Variants in TJP2 observed in about 807,000 individuals in gnomAD.
TJP2 encodes tight junction protein 2, also known as Friedreich ataxia region gene X104 (tight junction protein ZO-2).
In TJP2, 91 loss-of-function variants were observed where a neutral mutation model predicts 133.1. The observed-to-expected ratio is 0.68, with a 90% CI of 0.58 to 0.81. The LOEUF (loss-of-function observed/expected upper bound fraction) is 0.81. Ranked by LOEUF, TJP2 falls within the 40% of genes least tolerant of loss-of-function variation. The probability of loss-of-function intolerance (pLI) is 0.00; values close to 1 mark genes in which losing one functional copy is unlikely to be tolerated. For missense variants in TJP2, 1,541 were observed against 1,565.6 expected (o/e 0.98, Z 0.26); for synonymous variants, 592 against 583.4 (o/e 1.01, Z -0.21).
intron 1 of TJP2, among the ~76,000 whole-genome samples, chr9:69,201,581 C>T (rs1479574466): frequency 1.7e-4 from 26 of 152,186 alleles, no homozygotes; most frequent in Admixed American, 1.7e-3. Context: ...TTCATTTGTT[C>T]CTCAGAGCAC....
At chr9:69,170,410 T>C (rs1824616066), upstream of TJP2, among the ~76,000 whole-genome samples, 1 of 152,198 alleles carries the variant, frequency 6.6e-6, no homozygotes, top group Non-Finnish European at 1.5e-5. Context: ...TAGACTTCCT[T>C]ATTACAATTT....
intron 17 of TJP2, among the ~76,000 whole-genome samples, chr9:69,240,659 C>T (rs1830517866): frequency 6.6e-6 from 1 of 152,124 alleles, no homozygotes; most frequent in Admixed American, 6.5e-5. Context: ...TGGTGAGATC[C>T]TGTCTCTACT....
At chr9:69,186,030 A>G (rs1588001391) in intron 1 of TJP2, among the ~76,000 whole-genome samples, 1 of 152,180 alleles carries the variant, frequency 6.6e-6, no homozygotes, top group East Asian at 1.9e-4. Context: ...GGCCTCCCAA[A>G]GTGCTGGGAT....
In TJP2 at chr9:69,237,947, A is replaced by T. The variant is rs1359012723; in HGVS notation, c.2249A>T (p.Glu750Val). Residue 750 changes from glutamate to valine, a missense_variant, in exon 15 of 23, where the codon GAG (glutamate) becomes GTG (valine). By Grantham distance (121) the Glu-to-Val change is moderately radical. Transcript: ENST00000377245. ...ATAGCAATGGAAAAATTGGCTAATG[A>T]GTTACCTGACTGGTTTCAAACTGCT... is the stretch of plus-strand genomic sequence containing the variant. ...ADIAMEKLAN[E>V]LPDWFQTAKT... The T allele has an allele frequency of 1.2e-6, 2 of 1,613,588 alleles. No homozygotes were observed. Among genetic ancestry groups the T allele is most frequent in the Non-Finnish European group, 1.7e-6 (2 of 1,179,614 alleles).
Position 69,254,906 on chromosome 9 carries a change from C to T in TJP2, c.*532C>T, listed in dbSNP as rs1831591980. ...GCCATAATGGACTAAAACATTTTGA[C>T]TAAGTTTTTATACCAGCTTAATAGC... is the stretch of plus-strand genomic sequence containing the variant. On this transcript the variant is annotated 3_prime_UTR_variant, in exon 23 of 23. Transcript: ENST00000377245. The T allele has an allele frequency of 5.4e-6, 2 of 370,900 alleles. No individual in the cohort carries two copies. The highest frequency in any genetic ancestry group is 4.1e-5 in the African/African-American group (2 of 48,234). The allele number at this position is 370,900 out of a possible 1,614,324, so 23.0% of individuals were successfully genotyped here. A position where few individuals can be genotyped will look rare whatever the true frequency, so the allele number is the denominator to read the frequency against.
At chr9:69,202,813 T>C (rs12345636) in intron 1 of TJP2, among the ~76,000 whole-genome samples, 40 of 152,176 alleles carry the variant, frequency 2.6e-4, no homozygotes, top group Admixed American at 1.8e-3. Flanking sequence ...TGTATAACTT[T>C]TATTGAAAAA....
intron 1 of TJP2, among the ~76,000 whole-genome samples, chr9:69,182,899 C>T (rs888210944): frequency 1.3e-5 from 2 of 151,448 alleles, no homozygotes; most frequent in South Asian, 2.1e-4. Flanking sequence ...AGCAATTCTC[C>T]GGCCTCAGCC....
chr9:69,139,103 G>C (rs1822901540), intron 1 of TJP2, among the ~76,000 whole-genome samples: 1 of 151,930 alleles, frequency 6.6e-6, no homozygotes, highest in Admixed American at 6.6e-5. Context: ...TGTAATCCCA[G>C]CTGCTGGGGA....
chr9:69,227,864 A>G lies in TJP2; in HGVS notation c.1310A>G (p.Glu437Gly). The change falls in exon 8 of 23, where the codon GAA (glutamate) becomes GGA (glycine). Residue 437 changes from glutamate to glycine, a missense_variant. Glu to Gly is a moderately conservative substitution (Grantham distance 98). Transcript: ENST00000377245. The part of the protein sequence containing the change: ...DYHSSSEKLK[E>G]RPSSREDTPS... ...CATTCCTCAAGTGAGAAGCTGAAGG[A>G]AAGGCCAAGGTAAGATGACATGAAT... 1 of 1,613,664 alleles carries G rather than the reference A, an allele frequency of 6.2e-7. No individual in the cohort carries two copies. Among genetic ancestry groups the G allele is most frequent in the Admixed American group, 1.7e-5 (1 of 60,014 alleles).
At chr9:69,122,249 G>C (rs1036373199) in intron 1 of TJP2, 1 of 152,318 alleles carries the variant, frequency 6.6e-6, no homozygotes, top group African/African-American at 2.4e-5. Context: ...TGCATCGGGT[G>C]GGGGCAGGAG....
chr9:69,133,207 C>T (rs7038853), intron 1 of TJP2, among the ~76,000 whole-genome samples: 70,313 of 151,804 alleles, frequency 0.46, 16,376 homozygotes, highest in East Asian at 0.63. Flanking sequence ...AGCAACCCTC[C>T]TGCCTCGGCC....
At chr9:69,193,335 G>T (rs904405264) in intron 1 of TJP2, among the ~76,000 whole-genome samples, 2 of 151,940 alleles carry the variant, frequency 1.3e-5, no homozygotes, top group Admixed American at 1.3e-4. Flanking sequence ...CCACCTAGTG[G>T]ATAATACATC....
chr9:69,185,341 C>T (rs1399291085), intron 1 of TJP2, among the ~76,000 whole-genome samples: 2 of 152,134 alleles, frequency 1.3e-5, no homozygotes, highest in Non-Finnish European at 2.9e-5. Flanking sequence ...GGATTATAGG[C>T]GTGAGCCACC....
At chr9:69,221,599 G>A (rs1226647069) in intron 5 of TJP2, 103 bp downstream of exon 5, 2 of 1,466,368 alleles carry the variant, frequency 1.4e-6, no homozygotes, top group Non-Finnish European at 9.3e-7. Flanking sequence ...TGTCATCCAG[G>A]CTGGAGGGAA....
chr9:69,220,844 T>C (rs2133268968), intron 4 of TJP2, 43 bp from the exon 5 acceptor site: 4 of 1,588,348 alleles, frequency 2.5e-6, no homozygotes, highest in South Asian at 2.2e-5. Flanking sequence ...CCACATTCAG[T>C]TGTGATTGTC....
intron 1 of TJP2, among the ~76,000 whole-genome samples, chr9:69,192,299 A>G (rs1320427323): frequency 6.6e-6 from 1 of 151,896 alleles, no homozygotes; most frequent in African/African-American, 2.4e-5. Context: ...GAAAAAAAAA[A>G]CTTTCATGTT....
At chr9:69,144,210 A>G (rs974567181) in intron 1 of TJP2, among the ~76,000 whole-genome samples, 3 of 152,172 alleles carry the variant, frequency 2.0e-5, no homozygotes, top group Non-Finnish European at 4.4e-5. Context: ...GAGGAAATAG[A>G]TGGCATAATA....
rs192598835 is a variant in TJP2, at chr9:69,177,938, G to A, written c.60+3506G>A. 6.6e-5 allele frequency among the ~76,000 whole-genome samples: 10 copies of A among 152,214 alleles called. No individual in the cohort carries two copies. The East Asian group carries it at 1.9e-3, about 29-fold the overall frequency. On this transcript the variant is annotated intron_variant, in intron 1 of 22. Transcript: ENST00000377245. ...CACTTTTTCCATTTGATTAGGAAAA[G>A]CACTTCTTAGAACTGGGTGACTGAC...
In TJP2 at chr9:69,240,140, T is replaced by C; in HGVS notation, c.2559T>C (p.Leu853=). The change falls in exon 17 of 23, where the codon CTT becomes CTC. Residue 853 remains leucine, a synonymous_variant. Transcript: ENST00000377245. The stretch of plus-strand genomic sequence containing the variant: ...AGCTTAAAAAAACGTGTGCACACCT[T>C]TTTACAGGTAAGTGAAATGTAAATG... ...ANKLKKTCAH[L]FTATINLNSA... 6.2e-7 allele frequency: 1 copy of C among 1,613,752 alleles called. No homozygotes were observed. The highest frequency in any genetic ancestry group is 1.3e-5 in the African/African-American group (1 of 75,036).
Sources: allele counts gnomAD v4.1 joint callset (sites outside exome capture counted in the v4.1 genomes callset), GRCh38; gene constraint gnomAD v4.1.1; transcripts MANE v1.5; gene names NCBI Gene and HGNC (gene_info 2026-07-23, HGNC 2026-07-21).